Variants in VRK3 observed in about 807,000 individuals in gnomAD.
VRK3 encodes VRK serine/threonine kinase 3, also known as serine/threonine-protein kinase VRK3.
A neutral mutation model predicts 60.4 loss-of-function variants in VRK3; 50 were observed. That is an observed-to-expected ratio of 0.83 (90% CI 0.66 to 1.05). The LOEUF (loss-of-function observed/expected upper bound fraction) is 1.05. Among genes scored for constraint, VRK3 ranks in the 50% least tolerant of loss-of-function variants. The pLI is 0.00. For missense variants in VRK3, 549 were observed against 585.3 expected (o/e 0.94, Z 0.64); for synonymous variants, 246 against 227.8 (o/e 1.08, Z -0.72).
chr19:49,995,076 G>A (rs2076678331), intron 8 of VRK3, 115 bp downstream of exon 8: 1 of 1,308,288 alleles, frequency 7.6e-7, no homozygotes, highest in Non-Finnish European at 1.1e-6. Flanking sequence ...AAAACTACGA[G>A]AAGGCAGGAA....
chr19:49,990,127 C>T (rs1293972603), intron 10 of VRK3, among the ~76,000 whole-genome samples: 2 of 152,032 alleles, frequency 1.3e-5, no homozygotes, highest in African/African-American at 2.4e-5. Flanking sequence ...TGGGCACCGG[C>T]ACTTTACACT....
At chr19:50,021,772 C>A (rs768846288) in intron 1 of VRK3, among the ~76,000 whole-genome samples, 1 of 152,232 alleles carries the variant, frequency 6.6e-6, no homozygotes, top group Admixed American at 6.5e-5. Flanking sequence ...CCCTGCTGCA[C>A]AGAGAGGTCA....
At position 49,978,955 on chromosome 19, in the gene VRK3, T is replaced by G. The variant is rs893040280; in HGVS notation, c.*11+128A>C. 1.6e-5 allele frequency: 16 copies of G among 996,344 alleles called. No homozygotes were observed. In the African/African-American group the frequency reaches 2.5e-4, roughly 16 times the overall value. 61.7% of individuals were successfully genotyped at this position (996,344 alleles called of 1,614,324 possible). On this transcript the variant is annotated intron_variant, in intron 14 of 14. Transcript: ENST00000316763. ...TCAAGGACCGTGCGGAAAAACCCAG[T>G]GTCTCCCTGGGAAGCTGGGCCCTGG...
intron 12 of VRK3, chr19:49,986,475 G>A (rs540983240): frequency 6.5e-6 from 1 of 153,268 alleles, no homozygotes; most frequent in East Asian, 1.9e-4. Context: ...GAGACGCAGA[G>A]TGGAACATCA....
chr19:49,977,411 C>T (rs56140915), intron 14 of VRK3, among the ~76,000 whole-genome samples: 8,156 of 152,014 alleles, frequency 0.054, 718 homozygotes, highest in African/African-American at 0.19. Flanking sequence ...GGGTGTGAGA[C>T]GGTGGAGACC....
At chr19:49,979,672 C>T (rs571189512) in intron 13 of VRK3, among the ~76,000 whole-genome samples, 3 of 152,298 alleles carry the variant, frequency 2.0e-5, no homozygotes, top group South Asian at 2.1e-4. Flanking sequence ...TTAAAATCCT[C>T]GAGGCCCAAG....
At chr19:50,023,808 T>C (rs1020617035) in intron 1 of VRK3, among the ~76,000 whole-genome samples, 7 of 151,990 alleles carry the variant, frequency 4.6e-5, no homozygotes, top group Admixed American at 1.3e-4. Context: ...AGCCAGAGAC[T>C]CAAAGCTCAG....
At chr19:49,983,589 G>A (rs1378643759) in intron 12 of VRK3, among the ~76,000 whole-genome samples, 1 of 152,238 alleles carries the variant, frequency 6.6e-6, no homozygotes. Context: ...CGGGTCCAAA[G>A]CTGGCTCTCA....
At chr19:49,980,541 C>A (rs1230288653) in intron 13 of VRK3, among the ~76,000 whole-genome samples, 3 of 151,984 alleles carry the variant, frequency 2.0e-5, no homozygotes, top group Non-Finnish European at 4.4e-5. Flanking sequence ...CATGATGAAA[C>A]CCCGTCTCTA....
intron 5 of VRK3, among the ~76,000 whole-genome samples, chr19:50,004,158 G>C (rs2076855626): frequency 6.6e-6 from 1 of 152,142 alleles, no homozygotes; most frequent in Non-Finnish European, 1.5e-5. Flanking sequence ...AAACCACATT[G>C]GCCCAGAGTA....
intron 10 of VRK3, among the ~76,000 whole-genome samples, chr19:49,991,521 ACACACACACACACG>A (rs772587724): frequency 3.2e-4 from 49 of 151,248 alleles, no homozygotes; most frequent in Admixed American, 1.4e-3. Flanking sequence ...AAATCTCTAC[ACACACACACACACG>A]CACACACACA....
intron 12 of VRK3, among the ~76,000 whole-genome samples, chr19:49,982,981 G>T (rs944694123): frequency 6.6e-6 from 1 of 151,610 alleles, no homozygotes; most frequent in Non-Finnish European, 1.5e-5. Context: ...AACTCTCTCT[G>T]CCCCATGTCC....
chr19:49,980,983 T>C lies in VRK3; in HGVS notation c.1248A>G (p.Gly416=). 6.2e-7 allele frequency: 1 copy of C among 1,612,290 alleles called. No homozygotes were observed. Among genetic ancestry groups the C allele is most frequent in the South Asian group, 1.1e-5 (1 of 90,546 alleles). The change falls in exon 13 of 15, where the codon GGA becomes GGG. Residue 416 remains glycine, a synonymous_variant. Coordinates refer to ENST00000316763, the MANE Select transcript of VRK3 (RefSeq NM_016440.4). ...KFVDKPGPFV[G]PCGHWIRPSE... ...AGGGCCTGATCCAGTGACCGCAGGG[T>C]CCCACGAAGGGCCCCGGCTTATCAA...
At chr19:49,993,291 G>C (rs1568786140) in intron 9 of VRK3, among the ~76,000 whole-genome samples, 1 of 152,180 alleles carries the variant, frequency 6.6e-6, no homozygotes, top group Non-Finnish European at 1.5e-5. Context: ...ATATCAAAGA[G>C]CTCTTCTCAC....
rs1373714851 is a variant in VRK3, at chr19:49,995,278, G to A, written c.680-3C>T. On this transcript the variant is annotated splice_region_variant and splice_polypyrimidine_tract_variant and intron_variant, in intron 7 of 14. Transcript: ENST00000316763. ...GTACAGCTTCTTCCACTTGTTGACTGCGGAAAGCAGGGGCTTGAGGTTAGA... is the reference window on the plus strand; with the variant it reads ...GTACAGCTTCTTCCACTTGTTGACTACGGAAAGCAGGGGCTTGAGGTTAGA... 1 of 1,614,080 alleles carries A rather than the reference G, an allele frequency of 6.2e-7. No individual in the cohort carries two copies. Among genetic ancestry groups the A allele is most frequent in the African/African-American group, 1.3e-5 (1 of 75,040 alleles).
intron 11 of VRK3, among the ~76,000 whole-genome samples, chr19:49,989,309 C>G (rs1261961818): frequency 6.6e-6 from 1 of 152,200 alleles, no homozygotes; most frequent in Admixed American, 6.5e-5. Flanking sequence ...CCCTCCCACA[C>G]TCCAGATGTG....
chr19:49,980,143 C>T (rs970532139), intron 13 of VRK3, among the ~76,000 whole-genome samples: 1 of 152,114 alleles, frequency 6.6e-6, no homozygotes, highest in African/African-American at 2.4e-5. Flanking sequence ...TCTGTCTGTC[C>T]ATTTCTGCCT....
In VRK3 at chr19:49,984,026, G is replaced by A. The variant is rs117642762; in HGVS notation, c.1218-3013C>T. On this transcript the variant is annotated intron_variant, in intron 12 of 14. Transcript: ENST00000316763. ...TGATATGAGATGATTACCATGACCT[G>A]TCTTAACTCACCCTGCACCATGTTG... Among the ~76,000 whole-genome samples the A allele has an allele frequency of 5.6e-4, 85 of 152,280 alleles. 1 individual carries two copies. The East Asian group carries it at 0.015, about 27-fold the overall frequency.
At chr19:50,015,896 T>C in intron 3 of VRK3, 128 bp downstream of exon 3, 1 of 1,331,774 alleles carries the variant, frequency 7.5e-7, no homozygotes, top group Non-Finnish European at 1.0e-6. Flanking sequence ...GGTCCAGTCC[T>C]GAGGCCTGGG....
Sources: allele counts gnomAD v4.1 joint callset (sites outside exome capture counted in the v4.1 genomes callset), GRCh38; gene constraint gnomAD v4.1.1; transcripts MANE v1.5; gene names NCBI Gene and HGNC (gene_info 2026-07-23, HGNC 2026-07-21).